SLC4A10: variants seen among roughly 807,000 people sequenced by gnomAD.
The protein encoded by SLC4A10 is solute carrier family 4 member 10.
SLC4A10 carries 42 observed loss-of-function variants against 137.7 expected under a neutral mutation model. The ratio of observed to expected loss-of-function variants is 0.30; its 90% CI spans 0.24 to 0.39. SLC4A10 has a LOEUF of 0.39. Ranked by LOEUF, SLC4A10 falls within the 10% of genes least tolerant of loss-of-function variation. SLC4A10 has a pLI of 1.00. For missense variants in SLC4A10, 925 were observed against 1,355.0 expected, an observed-to-expected ratio of 0.68 and a Z score of 4.98; for synonymous variants, 474 against 464.1, an observed-to-expected ratio of 1.02 and a Z score of -0.27.
At chr2:161,765,436 G>A (rs1472528625) in intron 1 of SLC4A10, among the ~76,000 whole-genome samples, 3 of 151,752 alleles carry the variant, frequency 2.0e-5, no homozygotes, top group Non-Finnish European at 2.9e-5. Flanking sequence ...GCAAAACCCC[G>A]TTTCTACTAA....
intron 3 of SLC4A10, among the ~76,000 whole-genome samples, chr2:161,815,610 C>A (rs2056981942): frequency 1.3e-5 from 2 of 152,048 alleles, no homozygotes; most frequent in Non-Finnish European, 2.9e-5. Flanking sequence ...GCTTATCAAA[C>A]CTTCTGGCAC....
intron 15 of SLC4A10, among the ~76,000 whole-genome samples, chr2:161,928,288 G>A (rs992280735): frequency 3.3e-4 from 48 of 146,986 alleles, no homozygotes; most frequent in Admixed American, 1.3e-3. Context: ...AACCAAACAC[G>A]GCATATTCTC....
chr2:161,726,991 C>G (rs527489913), intron 1 of SLC4A10, among the ~76,000 whole-genome samples: 1 of 152,342 alleles, frequency 6.6e-6, no homozygotes, highest in Admixed American at 6.5e-5. Context: ...TCCAAATACT[C>G]TTTCTCCTCA....
At chr2:161,890,666 T>C (rs2062819829) in intron 10 of SLC4A10, among the ~76,000 whole-genome samples, 1 of 152,168 alleles carries the variant, frequency 6.6e-6, no homozygotes, top group South Asian at 2.1e-4. Context: ...TATCCCTTTA[T>C]TTTGAGCCTG....
chr2:161,687,135 A>G (rs747656162), intron 1 of SLC4A10, among the ~76,000 whole-genome samples: 49 of 152,148 alleles, frequency 3.2e-4, no homozygotes, highest in Non-Finnish European at 6.2e-4. Context: ...GGCTTCCCAA[A>G]GTGCTGGGAT....
intron 1 of SLC4A10, among the ~76,000 whole-genome samples, chr2:161,718,152 A>AT: frequency 6.6e-6 from 1 of 151,860 alleles, no homozygotes; most frequent in South Asian, 2.1e-4. Flanking sequence ...CCCCTTTATC[A>AT]TTTTTACTGT....
chr2:161,697,324 T>G (rs1364036062), intron 1 of SLC4A10, among the ~76,000 whole-genome samples: 1 of 152,210 alleles, frequency 6.6e-6, no homozygotes, highest in Non-Finnish European at 1.5e-5. Context: ...CTCCCATTTG[T>G]CAATTTTGGC....
At chr2:161,924,776 C>G (rs1688760156) in intron 15 of SLC4A10, among the ~76,000 whole-genome samples, 2 of 152,136 alleles carry the variant, frequency 1.3e-5, no homozygotes, top group Non-Finnish European at 2.9e-5. Flanking sequence ...TGTAAGTACA[C>G]TACCAGGAAT....
chr2:161,834,699 AC>A (rs1160501754), intron 3 of SLC4A10, among the ~76,000 whole-genome samples: 2 of 151,194 alleles, frequency 1.3e-5, no homozygotes, highest in Non-Finnish European at 2.9e-5. Flanking sequence ...ACACACACAC[AC>A]AAAACCTATT....
At chr2:161,829,907 G>T (rs138894075) in intron 3 of SLC4A10, among the ~76,000 whole-genome samples, 101 of 152,130 alleles carry the variant, frequency 6.6e-4, no homozygotes, top group African/African-American at 2.3e-3. Context: ...AAAACCATCA[G>T]ATCTCATGAG....
rs1553469515 is a variant in SLC4A10 at position 161,638,875 on chromosome 2, A to AT, written c.48+14310dup. On this transcript the variant is annotated intron_variant, in intron 1 of 26. Transcript: ENST00000446997. The stretch of plus-strand genomic sequence containing the variant: ...TTTATAGGTATTTCTTTTTTTTAAG[A>AT]TAAAAAAAGACAAATTTTGAGCTAG... Among the ~76,000 whole-genome samples, 649 of 29,678 alleles carry AT rather than the reference A, an allele frequency of 0.022. 5 individuals carry two copies. In the East Asian group the frequency reaches 0.3, roughly 14 times the overall value. 19.5% of individuals were successfully genotyped at this position (29,678 alleles called of 152,430 possible).
intron 2 of SLC4A10, among the ~76,000 whole-genome samples, chr2:161,789,260 G>A (rs965049193): frequency 6.6e-6 from 1 of 152,152 alleles, no homozygotes; most frequent in Non-Finnish European, 1.5e-5. Flanking sequence ...CTGACAATTT[G>A]TCAGTCAGCA....
chr2:161,658,123 T>C (rs990025353), intron 1 of SLC4A10, among the ~76,000 whole-genome samples: 2 of 152,174 alleles, frequency 1.3e-5, no homozygotes, highest in Non-Finnish European at 2.9e-5. Context: ...ATTTAGGAGA[T>C]AGTCAGTCTT....
intron 2 of SLC4A10, among the ~76,000 whole-genome samples, chr2:161,786,252 T>C (rs2053614462): frequency 6.6e-6 from 1 of 151,970 alleles, no homozygotes. Context: ...CCTATGCTCT[T>C]TTTTGTTTTC....
chr2:161,691,889 A>G lies in SLC4A10; in HGVS notation c.48+67323A>G, dbSNP rs542405594. Among the ~76,000 whole-genome samples the G allele has an allele frequency of 1.2e-3, 180 of 152,258 alleles. 1 individual carries two copies. Among genetic ancestry groups the G allele is most frequent in the African/African-American group, 4.2e-3 (173 of 41,568 alleles). ...CATGAATGTTATGAAACAAGTTTGT[A>G]AATGGTGAATGGACATAATAGAAGT... On this transcript the variant is annotated intron_variant, in intron 1 of 26. Coordinates refer to ENST00000446997, the MANE Select transcript of SLC4A10 (RefSeq NM_001178015.2).
At chr2:161,768,718 C>T (rs1263106520) in intron 1 of SLC4A10, among the ~76,000 whole-genome samples, 1 of 151,996 alleles carries the variant, frequency 6.6e-6, no homozygotes, top group Non-Finnish European at 1.5e-5. Flanking sequence ...CCATAGGTCT[C>T]TGAATCAGAC....
chr2:161,929,451 A>G (rs1689910103), intron 15 of SLC4A10, among the ~76,000 whole-genome samples: 1 of 152,240 alleles, frequency 6.6e-6, no homozygotes, highest in Admixed American at 6.5e-5. Flanking sequence ...CAGCTTAAAC[A>G]CGTGTTGTAA....
rs2045848432 is a variant in SLC4A10, at chr2:161,722,959, C to T, written c.49-48014C>T. ...AAAGAAGCAGTCTGGCCACAATCTG[C>T]CGCAGCTGCTGGACTGCACTGTAGG... On this transcript the variant is annotated intron_variant, in intron 1 of 26. Coordinates refer to ENST00000446997, the MANE Select transcript of SLC4A10 (RefSeq NM_001178015.2). Among the ~76,000 whole-genome samples, 8 of 152,318 alleles carry T rather than the reference C, an allele frequency of 5.3e-5. No homozygotes were observed. The South Asian group carries it at 1.2e-3, about 24-fold the overall frequency.
Position 161,756,850 on chromosome 2 carries a change from T to A in SLC4A10, c.49-14123T>A, listed in dbSNP as rs190393458. ...AACTGTATGTGCATATATATTCTTA[T>A]AGACATCAATTAGGGAAAGATATGA... is the stretch of plus-strand genomic sequence containing the variant. On this transcript the variant is annotated intron_variant, in intron 1 of 26. Coordinates refer to ENST00000446997, the MANE Select transcript of SLC4A10 (RefSeq NM_001178015.2). Among the ~76,000 whole-genome samples the A allele has an allele frequency of 1.4e-3, 212 of 152,268 alleles. 1 individual carries two copies. The highest frequency in any genetic ancestry group is 4.7e-3 in the African/African-American group (194 of 41,562).
Sources: gnomAD v4.1 joint callset for allele counts (sites outside exome capture counted in the v4.1 genomes callset) on GRCh38, gnomAD v4.1.1 for gene constraint, MANE v1.5 for transcripts, NCBI Gene and HGNC (gene_info 2026-07-23, HGNC 2026-07-21) for gene names.